TRAPPC12: variants seen among roughly 807,000 people sequenced by gnomAD.
TRAPPC12 encodes TPR repeat protein 15.
In TRAPPC12, 61 loss-of-function variants were observed where a neutral mutation model predicts 69.2. The ratio of observed to expected loss-of-function variants is 0.88; its 90% CI spans 0.72 to 1.09. The LOEUF (loss-of-function observed/expected upper bound fraction) is 1.09. Among genes scored for constraint, TRAPPC12 ranks in the 50% least tolerant of loss-of-function variants. The probability of loss-of-function intolerance (pLI) is 0.00; values close to 1 mark genes in which losing one functional copy is unlikely to be tolerated. For missense variants in TRAPPC12, 1,101 were observed against 1,016.4 expected (o/e 1.08, Z -1.13); for synonymous variants, 469 against 438.9 (o/e 1.07, Z -0.86).
chr2:3,439,907 A>T (rs1664104726), intron 5 of TRAPPC12, among the ~76,000 whole-genome samples: 1 of 149,514 alleles, frequency 6.7e-6, no homozygotes. Context: ...TTTCATGTGG[A>T]CGTCCAGTTG....
At chr2:3,472,680 T>C (rs2103168738) in intron 9 of TRAPPC12, 1 of 152,340 alleles carries the variant, frequency 6.6e-6, no homozygotes, top group South Asian at 2.1e-4. Flanking sequence ...AGACAACCTA[T>C]GGCATGGGAG....
At chr2:3,437,227 C>G (rs865947970) in intron 5 of TRAPPC12, among the ~76,000 whole-genome samples, 1 of 33,600 alleles carries the variant, frequency 3.0e-5, no homozygotes, top group Non-Finnish European at 6.2e-5. Flanking sequence ...CCCCCCATCA[C>G]CCCTGGATTA....
At chr2:3,396,236 C>T (rs1321349105) in intron 2 of TRAPPC12, among the ~76,000 whole-genome samples, 1 of 144,342 alleles carries the variant, frequency 6.9e-6, no homozygotes, top group African/African-American at 2.6e-5. Flanking sequence ...TCTAGGTTGA[C>T]AGGTTTTTTT....
At chr2:3,425,048 A>T (rs939089892) in intron 5 of TRAPPC12, among the ~76,000 whole-genome samples, 2 of 152,278 alleles carry the variant, frequency 1.3e-5, no homozygotes, top group Non-Finnish European at 2.9e-5. Context: ...CATATGGCAC[A>T]CGCCGTGACA....
chr2:3,473,157 C>G (rs1245059347), intron 9 of TRAPPC12, among the ~76,000 whole-genome samples: 3 of 150,920 alleles, frequency 2.0e-5, no homozygotes, highest in Non-Finnish European at 4.4e-5. Flanking sequence ...TCCCAGCAGG[C>G]CCTCGGGTTC....
chr2:3,402,453 G>T (rs1000081205), intron 3 of TRAPPC12, among the ~76,000 whole-genome samples: 3 of 152,282 alleles, frequency 2.0e-5, no homozygotes, highest in African/African-American at 7.2e-5. Context: ...GCTGGGCATG[G>T]TGGTGCGTTC....
rs540639869 is a variant in TRAPPC12 at position 3,463,694 on chromosome 2, C to T, written c.1678-1903C>T. The stretch of plus-strand genomic sequence containing the variant: ...GCGCCCCCACCACGCCCCCACCCTG[C>T]GCTCTCTGTGGTGGCCGCCTCAGCC... On this transcript the variant is annotated intron_variant, in intron 8 of 11. Transcript: ENST00000324266. 9.0e-3 allele frequency among the ~76,000 whole-genome samples: 1,365 copies of T among 151,986 alleles called. 16 individuals are homozygous for T. Among genetic ancestry groups the T allele is most frequent in the Non-Finnish European group, 0.011 (735 of 67,980 alleles).
intron 2 of TRAPPC12, chr2:3,389,784 G>A (rs1225896281): frequency 4.5e-6 from 2 of 440,120 alleles, no homozygotes. Context: ...CAGAGTGTGA[G>A]GAGGGCGGAC....
chr2:3,381,092 G>A (rs1251869514), intron 1 of TRAPPC12, among the ~76,000 whole-genome samples: 1 of 152,210 alleles, frequency 6.6e-6, no homozygotes, highest in Non-Finnish European at 1.5e-5. Context: ...GGTACTGTCA[G>A]TGTGATGTTA....
At chr2:3,477,317 A>G (rs1666337008) in intron 9 of TRAPPC12, among the ~76,000 whole-genome samples, 1 of 152,276 alleles carries the variant, frequency 6.6e-6, no homozygotes, top group South Asian at 2.1e-4. Flanking sequence ...CAAGTAACTC[A>G]TAAGTTGACG....
chr2:3,409,788 A>G (rs1488812903), intron 3 of TRAPPC12, among the ~76,000 whole-genome samples: 3 of 150,128 alleles, frequency 2.0e-5, no homozygotes, highest in Non-Finnish European at 3.0e-5. Context: ...AGGGGAAGAA[A>G]TGAAAAAATC....
At chr2:3,411,926 T>A (rs1662085854) in intron 3 of TRAPPC12, among the ~76,000 whole-genome samples, 1 of 152,246 alleles carries the variant, frequency 6.6e-6, no homozygotes, top group Non-Finnish European at 1.5e-5. Context: ...CTGACTTGTA[T>A]CTTTTTTTAA....
chr2:3,440,016 C>A (rs1664110140), intron 5 of TRAPPC12, among the ~76,000 whole-genome samples: 2 of 151,950 alleles, frequency 1.3e-5, no homozygotes, highest in South Asian at 4.1e-4. Flanking sequence ...GGACCAATTT[C>A]TTGTCTTTCT....
At chr2:3,388,901 C>T in intron 2 of TRAPPC12, 1 of 466,208 alleles carries the variant, frequency 2.1e-6, no homozygotes, top group African/African-American at 2.0e-5. Context: ...TAAATACCAC[C>T]AAGGCAGACA....
At chr2:3,479,117 G>GCAC in intron 11 of TRAPPC12, 102 bp from the exon 12 acceptor site, 1 of 1,551,678 alleles carries the variant, frequency 6.4e-7, no homozygotes, top group African/African-American at 1.4e-5. Context: ...CAGCAGCTCT[G>GCAC]CACCACCCCC....
chr2:3,469,932 G>A (rs1005954500), intron 9 of TRAPPC12, among the ~76,000 whole-genome samples: 1 of 152,206 alleles, frequency 6.6e-6, no homozygotes, highest in Non-Finnish European at 1.5e-5. Context: ...GTTTCTCTGA[G>A]ATTAGTTTCT....
intron 9 of TRAPPC12, among the ~76,000 whole-genome samples, chr2:3,473,170 CAG>C (rs61136367): frequency 0.058 from 8,874 of 152,136 alleles, 845 homozygotes; most frequent in African/African-American, 0.2. Context: ...TCGGGTTCTG[CAG>C]AGAGAGCAGG....
In TRAPPC12 at chr2:3,418,991, G is replaced by A. The variant is rs191383653; in HGVS notation, c.1165-2890G>A. On this transcript the variant is annotated intron_variant, in intron 3 of 11. Transcript: ENST00000324266. Reference sequence around the variant, plus strand: ...CTCCTCCACCGCCTCCCTCCGGCCCGCTGGTCCTTACTGCATCCCCTCGGG... The same window carrying A: ...CTCCTCCACCGCCTCCCTCCGGCCCACTGGTCCTTACTGCATCCCCTCGGG... Among the ~76,000 whole-genome samples, 75 of 152,156 alleles carry A rather than the reference G, an allele frequency of 4.9e-4. No individual in the cohort carries two copies. In the East Asian group the frequency reaches 0.013, roughly 26 times the overall value.
chr2:3,388,642 T>A lies in TRAPPC12; in HGVS notation c.1019T>A (p.Met340Lys). The A allele has an allele frequency of 6.3e-7, 1 of 1,578,822 alleles. No individual in the cohort carries two copies. Among genetic ancestry groups the A allele is most frequent in the Non-Finnish European group, 8.6e-7 (1 of 1,160,282 alleles). ...AVFVDKENLT[M>K]PGLRFDNIQG... ...TTCGTGGACAAGGAGAACCTCACCA[T>A]GCCGGGCCTCAGGTTCGACAACATC... Residue 340 changes from methionine to lysine, a missense_variant, in exon 2 of 12, where the codon ATG becomes AAG. Coordinates refer to ENST00000324266, the MANE Select transcript of TRAPPC12 (RefSeq NM_016030.6).
Sources: allele counts gnomAD v4.1 joint callset (sites outside exome capture counted in the v4.1 genomes callset), GRCh38; gene constraint gnomAD v4.1.1; transcripts MANE v1.5; gene names NCBI Gene and HGNC (gene_info 2026-07-23, HGNC 2026-07-21).